VSTM2A: variants seen among roughly 807,000 people sequenced by gnomAD.
VSTM2A encodes V-set and transmembrane domain-containing protein 2A.
In VSTM2A, 13 loss-of-function variants were observed where a neutral mutation model predicts 27.3. The observed-to-expected ratio is 0.48, with a 90% confidence interval of 0.31 to 0.76. VSTM2A has a LOEUF of 0.76. VSTM2A is among the 30% of genes least tolerant of loss of function. VSTM2A has a pLI of 0.05. For synonymous variants in VSTM2A, 142 were observed against 125.7 expected (o/e 1.13, Z -0.87); for missense variants, 280 against 310.0 (o/e 0.90, Z 0.73).
chr7:54,553,256 C>T (rs989621163), intron 4 of VSTM2A, among the ~76,000 whole-genome samples: 3 of 152,216 alleles, frequency 2.0e-5, no homozygotes. Flanking sequence ...GTGAATCCTT[C>T]ACTTGTAAAA....
At chr7:54,553,669 A>T (rs563723475) in intron 4 of VSTM2A, among the ~76,000 whole-genome samples, 1 of 152,220 alleles carries the variant, frequency 6.6e-6, no homozygotes, top group South Asian at 2.1e-4. Flanking sequence ...ATACAAGCAA[A>T]TATGGAGAAG....
rs1788840573 is a variant in VSTM2A at position 54,569,945 on chromosome 7, T to C, written c.*726T>C. 3.9e-5 allele frequency: 6 copies of C among 152,168 alleles called. No homozygotes were observed. The South Asian group carries it at 1.2e-3, about 32-fold the overall frequency. 9.4% of individuals were successfully genotyped at this position (152,168 alleles called of 1,614,324 possible). On this transcript the variant is annotated 3_prime_UTR_variant, in exon 5 of 5. Coordinates refer to ENST00000402613, the MANE Select transcript of VSTM2A (RefSeq NM_001301009.2). ...ATAAATATATACTTAAGAATATCTGTGTGTTGGGCCAATGACCAACTTTTT... is the reference window on the plus strand; with the variant it reads ...ATAAATATATACTTAAGAATATCTGCGTGTTGGGCCAATGACCAACTTTTT...
intron 4 of VSTM2A, among the ~76,000 whole-genome samples, chr7:54,560,874 G>GT (rs1292337684): frequency 2.0e-5 from 3 of 152,090 alleles, no homozygotes; most frequent in Non-Finnish European, 4.4e-5. Flanking sequence ...AAATGTAAAG[G>GT]TATCAAGCAC....
intron 3 of VSTM2A, among the ~76,000 whole-genome samples, chr7:54,547,628 A>AT (rs1788045475): frequency 6.6e-6 from 1 of 152,110 alleles, no homozygotes; most frequent in African/African-American, 2.4e-5. Context: ...TGAAAGTCTT[A>AT]TTTTTTTACT....
chr7:54,545,193 G>T (rs1034315996), intron 2 of VSTM2A, among the ~76,000 whole-genome samples: 2 of 151,926 alleles, frequency 1.3e-5, no homozygotes, highest in South Asian at 4.1e-4. Flanking sequence ...GGGGCACCAG[G>T]CACCATCTGG....
At chr7:54,567,301 T>A (rs2115947064) in intron 4 of VSTM2A, among the ~76,000 whole-genome samples, 1 of 152,362 alleles carries the variant, frequency 6.6e-6, no homozygotes, top group Admixed American at 6.5e-5. Context: ...TATGCTTCAA[T>A]AGTATATTAC....
chr7:54,543,943 G>T (rs1237139969), intron 1 of VSTM2A, among the ~76,000 whole-genome samples: 1 of 152,200 alleles, frequency 6.6e-6, no homozygotes, highest in Admixed American at 6.5e-5. Flanking sequence ...TCTCCATAGT[G>T]ACTTCTAAAT....
chr7:54,555,507 A>C (rs1788326960), intron 4 of VSTM2A, among the ~76,000 whole-genome samples: 1 of 151,882 alleles, frequency 6.6e-6, no homozygotes, highest in South Asian at 2.1e-4. Context: ...AAAAATGCAA[A>C]CTCCTTTGTT....
At chr7:54,562,249 C>A (rs7794506) in intron 4 of VSTM2A, among the ~76,000 whole-genome samples, 7,165 of 152,242 alleles carry the variant, frequency 0.047, 436 homozygotes, top group African/African-American at 0.13. Flanking sequence ...TAAATCATGG[C>A]TATATCTTTA....
At chr7:54,552,943 C>T (rs1788238100) in intron 4 of VSTM2A, among the ~76,000 whole-genome samples, 1 of 152,176 alleles carries the variant, frequency 6.6e-6, no homozygotes, top group Non-Finnish European at 1.5e-5. Flanking sequence ...AAACACTCAC[C>T]TCTTAATTGA....
At chr7:54,560,029 A>G (rs1464519330) in intron 4 of VSTM2A, 1 of 152,176 alleles carries the variant, frequency 6.6e-6, no homozygotes, top group East Asian at 1.9e-4. Flanking sequence ...TTGTACAATG[A>G]TAATGTATTA....
At chr7:54,560,012 A>G (rs1430950029) in intron 4 of VSTM2A, 1 of 152,200 alleles carries the variant, frequency 6.6e-6, no homozygotes, top group African/African-American at 2.4e-5. Context: ...TTGCTTGTTT[A>G]TAACTTTTGT....
intron 4 of VSTM2A, among the ~76,000 whole-genome samples, chr7:54,568,661 GA>G (rs546125782): frequency 4.8e-4 from 70 of 146,910 alleles, no homozygotes; most frequent in East Asian, 3.0e-3. Context: ...CATGCAGTAG[GA>G]AAAAAAAAAA....
chr7:54,563,417 C>T (rs1405538282), intron 4 of VSTM2A, among the ~76,000 whole-genome samples: 2 of 152,166 alleles, frequency 1.3e-5, no homozygotes, highest in Admixed American at 1.3e-4. Flanking sequence ...AAATTATTAG[C>T]AGCTTCTATC....
intron 4 of VSTM2A, chr7:54,551,192 C>T (rs1034930388): frequency 6.6e-6 from 1 of 151,632 alleles, no homozygotes; most frequent in Non-Finnish European, 1.5e-5. Context: ...AGAAATCATC[C>T]TAATCAAATA....
Position 54,546,818 on chromosome 7 carries a change from C to A in VSTM2A, c.247-129C>A, listed in dbSNP as rs373441607. On this transcript the variant is annotated intron_variant, in intron 2 of 4. Coordinates refer to ENST00000402613, the MANE Select transcript of VSTM2A (RefSeq NM_001301009.2). ...CTGGGCCTGGACAGGGGTGGCCACGCCCCTGGTCGCTCCCCTGTCCCCAGG... is the reference window on the plus strand; with the variant it reads ...CTGGGCCTGGACAGGGGTGGCCACGACCCTGGTCGCTCCCCTGTCCCCAGG... 8.2e-3 allele frequency: 10,057 copies of A among 1,233,220 alleles called. 60 individuals are homozygous for A. Among genetic ancestry groups the A allele is most frequent in the Non-Finnish European group, 8.3e-3 (7,609 of 917,284 alleles). The allele number at this position is 1,233,220 out of a possible 1,614,324, so 76.4% of individuals were successfully genotyped here.
chr7:54,546,357 G>T (rs73118020), intron 2 of VSTM2A: 30,789 of 154,018 alleles, frequency 0.2, 3,141 homozygotes, highest in East Asian at 0.23. Flanking sequence ...GGGGAAGGGG[G>T]TCCGGGCGAG....
At chr7:54,568,243 G>A (rs1163063830) in intron 4 of VSTM2A, among the ~76,000 whole-genome samples, 1 of 152,112 alleles carries the variant, frequency 6.6e-6, no homozygotes. Context: ...ACCCAAACAT[G>A]ATTTAGATGA....
Position 54,544,742 on chromosome 7 carries a change from G to T in VSTM2A, c.200G>T (p.Arg67Leu), listed in dbSNP as rs1214201655. 1.9e-6 allele frequency: 3 copies of T among 1,612,362 alleles called. No homozygotes were observed. Among genetic ancestry groups the T allele is most frequent in the Non-Finnish European group, 1.7e-6 (2 of 1,179,714 alleles). The change falls in exon 2 of 5, where the codon CGG (arginine) becomes CTG (leucine). Residue 67 changes from arginine to leucine, a missense_variant. Coordinates refer to ENST00000402613, the MANE Select transcript of VSTM2A (RefSeq NM_001301009.2). ...CTGGAGATCCAATGGTGGTTCCTGC[G>T]GGGGCCGGAGGACCTGGATCCCGGG... is the stretch of plus-strand genomic sequence containing the variant. ...VYLEIQWWFL[R>L]GPEDLDPGAE...
Sources: gnomAD v4.1 joint callset for allele counts (sites outside exome capture counted in the v4.1 genomes callset) on GRCh38, gnomAD v4.1.1 for gene constraint, MANE v1.5 for transcripts, NCBI Gene and HGNC (gene_info 2026-07-23, HGNC 2026-07-21) for gene names.